Variants in DLG2 observed in about 807,000 individuals in gnomAD.
DLG2 encodes the protein discs large MAGUK scaffold protein 2.
A neutral mutation model predicts 132.5 loss-of-function variants in DLG2; 45 were observed. The ratio of observed to expected loss-of-function variants is 0.34; its 90% CI spans 0.27 to 0.44. DLG2 has a LOEUF of 0.44. DLG2 is among the 20% of genes least tolerant of loss of function. The pLI, the probability that DLG2 is intolerant of heterozygous loss-of-function variation, is 1.00. For missense variants in DLG2, 1,045 were observed against 1,196.9 expected (o/e 0.87, Z 1.87); for synonymous variants, 424 against 419.6 (o/e 1.01, Z -0.13).
chr11:83,477,484 G>A (rs993804927), intron 22 of DLG2, among the ~76,000 whole-genome samples: 4 of 152,042 alleles, frequency 2.6e-5, no homozygotes, highest in African/African-American at 9.7e-5. Context: ...ATGTTTGTGT[G>A]TATCTATGTG....
chr11:85,598,834 T>C (rs2079958728), intron 2 of DLG2, 46 bp from the exon 3 acceptor site: 3 of 494,362 alleles, frequency 6.1e-6, no homozygotes, highest in Non-Finnish European at 1.0e-5. Context: ...CTTAGCAAAA[T>C]AGAAAACTAA....
At chr11:84,872,532 T>C (rs1398744750) in intron 6 of DLG2, among the ~76,000 whole-genome samples, 3 of 152,200 alleles carry the variant, frequency 2.0e-5, no homozygotes, top group Non-Finnish European at 2.9e-5. Flanking sequence ...CACAATGCCC[T>C]CGTAGCAAAG....
chr11:84,951,748 T>C (rs1180361279), intron 6 of DLG2, among the ~76,000 whole-genome samples: 4 of 151,578 alleles, frequency 2.6e-5, no homozygotes, highest in African/African-American at 9.7e-5. Context: ...GTGATTATTT[T>C]AGTTTGCATA....
chr11:84,384,087 C>T (rs1366294848), intron 7 of DLG2, among the ~76,000 whole-genome samples: 2 of 136,740 alleles, frequency 1.5e-5, no homozygotes, highest in African/African-American at 5.7e-5. Flanking sequence ...AGGAAGCTCT[C>T]GATGACGCTT....
intron 6 of DLG2, among the ~76,000 whole-genome samples, chr11:85,069,568 G>A (rs1001797712): frequency 2.0e-4 from 31 of 152,114 alleles, no homozygotes; most frequent in Non-Finnish European, 3.4e-4. Context: ...ATCATCACTG[G>A]CCATCAGAGA....
intron 6 of DLG2, among the ~76,000 whole-genome samples, chr11:85,082,948 C>G (rs542633302): frequency 6.6e-6 from 1 of 152,144 alleles, no homozygotes; most frequent in African/African-American, 2.4e-5. Flanking sequence ...GGTTGTTTAT[C>G]TTAATTTTTA....
chr11:85,170,100 A>C (rs963020300), intron 4 of DLG2, among the ~76,000 whole-genome samples: 7 of 152,252 alleles, frequency 4.6e-5, no homozygotes, highest in African/African-American at 1.7e-4. Context: ...GCGAGCCATC[A>C]TAAGGAAATG....
chr11:83,531,237 C>T (rs1054083314), intron 21 of DLG2, among the ~76,000 whole-genome samples: 1 of 151,828 alleles, frequency 6.6e-6, no homozygotes, highest in Non-Finnish European at 1.5e-5. Context: ...CAGAGTGGGA[C>T]AAAATATTGC....
chr11:85,549,836 T>A (rs1197019656), intron 3 of DLG2, among the ~76,000 whole-genome samples: 1 of 152,202 alleles, frequency 6.6e-6, no homozygotes, highest in Non-Finnish European at 1.5e-5. Flanking sequence ...GCCAGAGCGA[T>A]GACCAGTTTA....
At position 84,251,612 on chromosome 11, in the gene DLG2, G is replaced by GT. The variant is rs556761788; in HGVS notation, c.520-322dup. On this transcript the variant is annotated intron_variant, in intron 7 of 27. Transcript: ENST00000376104. ...AAGGCAAGGATTTCTAATAAATTGG[G>GT]TAAGAGTTAAAACTTGTATCTTTTC... is the stretch of plus-strand genomic sequence containing the variant. Among the ~76,000 whole-genome samples, 205 of 150,188 alleles carry GT rather than the reference G, an allele frequency of 1.4e-3. 1 individual carries two copies. The highest frequency in any genetic ancestry group is 4.8e-3 in the African/African-American group (197 of 40,992).
At chr11:85,167,003 T>C (rs2152485732) in intron 4 of DLG2, among the ~76,000 whole-genome samples, 1 of 152,292 alleles carries the variant, frequency 6.6e-6, no homozygotes, top group African/African-American at 2.4e-5. Context: ...TTTGGTAGAT[T>C]ACTTTTTTAT....
intron 7 of DLG2, among the ~76,000 whole-genome samples, chr11:84,381,907 G>C (rs1173163244): frequency 6.6e-6 from 1 of 152,186 alleles, no homozygotes; most frequent in Non-Finnish European, 1.5e-5. Flanking sequence ...TGAAGGCATA[G>C]GTTTCAGCCT....
Position 84,886,545 on chromosome 11 carries a change from A to G in DLG2, c.357+225116T>C, listed in dbSNP as rs890845258. 2.2e-4 allele frequency among the ~76,000 whole-genome samples: 34 copies of G among 152,150 alleles called. 1 individual carries two copies. Among genetic ancestry groups the G allele is most frequent in the African/African-American group, 8.0e-4 (33 of 41,452 alleles). On this transcript the variant is annotated intron_variant, in intron 6 of 27. Coordinates refer to ENST00000376104, the MANE Select transcript of DLG2 (RefSeq NM_001142699.3). ...CACCACTGTCAGGTTTGAGTGGACC[A>G]CAGCCACAACTCATGAGATCATTTA...
intron 3 of DLG2, among the ~76,000 whole-genome samples, chr11:85,401,416 T>G (rs1220568323): frequency 3.9e-5 from 6 of 152,162 alleles, no homozygotes; most frequent in Non-Finnish European, 8.8e-5. Context: ...GAATTCCACT[T>G]GAAAACCAGC....
intron 6 of DLG2, among the ~76,000 whole-genome samples, chr11:84,742,435 T>C (rs958022747): frequency 4.6e-5 from 7 of 152,144 alleles, no homozygotes; most frequent in African/African-American, 1.4e-4. Context: ...GGCATCACCA[T>C]TAGATTAACA....
chr11:83,562,666 T>C (rs1472481780), intron 19 of DLG2, among the ~76,000 whole-genome samples: 1 of 152,214 alleles, frequency 6.6e-6, no homozygotes, highest in African/African-American at 2.4e-5. Flanking sequence ...AATAGGTACA[T>C]ATCAGTACAA....
chr11:85,381,318 G>A (rs1231816022), intron 3 of DLG2, among the ~76,000 whole-genome samples: 1 of 152,152 alleles, frequency 6.6e-6, no homozygotes, highest in East Asian at 1.9e-4. Context: ...AGGTTCAAAT[G>A]CATCAGTCTG....
intron 3 of DLG2, among the ~76,000 whole-genome samples, chr11:85,333,775 AG>A (rs1404805440): frequency 1.3e-5 from 2 of 152,188 alleles, no homozygotes; most frequent in Non-Finnish European, 2.9e-5. Context: ...CCAGGGATAA[AG>A]CCTACCTGAT....
intron 6 of DLG2, among the ~76,000 whole-genome samples, chr11:84,999,405 G>C (rs895220052): frequency 6.6e-6 from 1 of 152,044 alleles, no homozygotes; most frequent in African/African-American, 2.4e-5. Context: ...TGTTCAAAGA[G>C]AGATATATCT....
Sources: allele counts gnomAD v4.1 joint callset (sites outside exome capture counted in the v4.1 genomes callset), GRCh38; gene constraint gnomAD v4.1.1; transcripts MANE v1.5; gene names NCBI Gene and HGNC (gene_info 2026-07-23, HGNC 2026-07-21).